STAT1: variants seen among roughly 807,000 people sequenced by gnomAD.
STAT1 encodes signal transducer and activator of transcription 1, also known as signal transducer and activator of transcription 1-alpha/beta.
In STAT1, 24 loss-of-function variants were observed where a neutral mutation model predicts 111.7. The observed-to-expected ratio is 0.21, with a 90% CI of 0.16 to 0.30. The LOEUF (loss-of-function observed/expected upper bound fraction) is 0.30, where lower values mean the gene tolerates loss of function less well. STAT1 is among the 10% of genes least tolerant of loss of function. The probability of loss-of-function intolerance (pLI) is 1.00; values close to 1 mark genes in which losing one functional copy is unlikely to be tolerated. For synonymous variants in STAT1, 332 were observed against 326.5 expected, an observed-to-expected ratio of 1.02 and a Z score of -0.18; for missense variants, 351 against 911.9, an observed-to-expected ratio of 0.38 and a Z score of 7.92.
chr2:191,009,223 A>T, intron 3 of STAT1, 116 bp from the exon 4 acceptor site: 2 of 1,295,612 alleles, frequency 1.5e-6, no homozygotes, highest in Non-Finnish European at 2.1e-6. Context: ...GTATTTTCTT[A>T]GGTTTATTTT....
Position 190,987,312 on chromosome 2 carries a change from A to T in STAT1, c.1098-244T>A, listed in dbSNP as rs577339848. 6.6e-6 allele frequency among the ~76,000 whole-genome samples: 1 copy of T among 152,352 alleles called. No homozygotes were observed. The highest frequency in any genetic ancestry group is 2.1e-4 in the South Asian group (1 of 4,828). On this transcript the variant is annotated intron_variant, in intron 12 of 24. Coordinates refer to ENST00000361099, the MANE Select transcript of STAT1 (RefSeq NM_007315.4). This position sits in a 1 kb window ranked among gnomAD's most constrained non-coding sequence, Gnocchi z 4.0. ...TGGGCCTTACATTGTTCATTTGCAC[A>T]ACATACTAACAGTGCCAACATATAG...
chr2:191,010,743 T>C (rs950754101), intron 2 of STAT1, among the ~76,000 whole-genome samples: 4 of 152,198 alleles, frequency 2.6e-5, no homozygotes, highest in Non-Finnish European at 5.9e-5. Flanking sequence ...ACAATAAATC[T>C]GGCATAAAGA....
At position 190,970,440 on chromosome 2, in the gene STAT1, T is replaced by C. The variant is rs182725919; in HGVS notation, c.*263A>G. On this transcript the variant is annotated 3_prime_UTR_variant, in exon 25 of 25. Coordinates refer to ENST00000361099, the MANE Select transcript of STAT1 (RefSeq NM_007315.4). This position sits in a 1 kb window ranked among gnomAD's most constrained non-coding sequence, Gnocchi z 5.4. ...CATTCTCGTCCTGATACTTTGGGTG[T>C]ATCTGGATGTTTTTCACTTGTGAAA... is the stretch of plus-strand genomic sequence containing the variant. 1.7e-5 allele frequency: 9 copies of C among 542,498 alleles called. No individual in the cohort carries two copies. Among genetic ancestry groups the C allele is most frequent in the Non-Finnish European group, 3.0e-5 (9 of 300,040 alleles). 33.6% of individuals were successfully genotyped at this position (542,498 alleles called of 1,614,324 possible).
At chr2:191,002,018 G>A (rs989887442) in intron 5 of STAT1, among the ~76,000 whole-genome samples, 6 of 152,190 alleles carry the variant, frequency 3.9e-5, no homozygotes, top group Admixed American at 1.3e-4. Flanking sequence ...CTACGGGGGT[G>A]TTTTTATATG....
Position 190,977,542 on chromosome 2 carries a change from C to A in STAT1, c.1874-517G>T, listed in dbSNP as rs928832970. 6.6e-6 allele frequency among the ~76,000 whole-genome samples: 1 copy of A among 152,104 alleles called. No individual in the cohort carries two copies. Among genetic ancestry groups the A allele is most frequent in the Non-Finnish European group, 1.5e-5 (1 of 68,020 alleles). ...TCCCTGTAACCCTTAACGTAATAAA[C>A]CATGGTTTAATTTACTCCCGTTCTT... On this transcript the variant is annotated intron_variant, in intron 21 of 24. Coordinates refer to ENST00000361099, the MANE Select transcript of STAT1 (RefSeq NM_007315.4). This position sits in a 1 kb window ranked among gnomAD's most constrained non-coding sequence, Gnocchi z 4.7.
Position 191,007,728 on chromosome 2 carries a change from A to G in STAT1, c.274-67T>C. On this transcript the variant is annotated intron_variant, in intron 4 of 24. Coordinates refer to ENST00000361099, the MANE Select transcript of STAT1 (RefSeq NM_007315.4). The surrounding 1 kb of genome is among the most constrained non-coding windows in gnomAD (Gnocchi z 4.2). The stretch of plus-strand genomic sequence containing the variant: ...AATGTTTACTTTATTGTGTATTGTA[A>G]GTTGATATGAATTTGTTTATATTCT... 1 of 1,173,044 alleles carries G rather than the reference A, an allele frequency of 8.5e-7. No individual in the cohort carries two copies. Among genetic ancestry groups the G allele is most frequent in the African/African-American group, 1.5e-5 (1 of 66,278 alleles). The allele number at this position is 1,173,044 out of a possible 1,614,324, so 72.7% of individuals were successfully genotyped here. A position where few individuals can be genotyped will look rare whatever the true frequency, so the allele number is the denominator to read the frequency against.
rs1033141232 is a variant in STAT1, at chr2:190,969,894, G to A, written c.*809C>T. 6.6e-6 allele frequency: 1 copy of A among 152,210 alleles called. No homozygotes were observed. The highest frequency in any genetic ancestry group is 1.5e-5 in the Non-Finnish European group (1 of 68,040). The allele number at this position is 152,210 out of a possible 1,614,324, so 9.4% of individuals were successfully genotyped here. On this transcript the variant is annotated 3_prime_UTR_variant, in exon 25 of 25. Coordinates refer to ENST00000361099, the MANE Select transcript of STAT1 (RefSeq NM_007315.4). ...ACTTTTGAATGAGTGGTTGTGAATA[G>A]CCTAACTCCCTTGGGAGAACTGTAA...
Position 190,997,796 on chromosome 2 carries a change from A to C in STAT1, c.785+60T>G. 6.2e-7 allele frequency: 1 copy of C among 1,610,992 alleles called. No homozygotes were observed. The highest frequency in any genetic ancestry group is 8.5e-7 in the Non-Finnish European group (1 of 1,178,648). On this transcript the variant is annotated intron_variant, in intron 9 of 24. Coordinates refer to ENST00000361099, the MANE Select transcript of STAT1 (RefSeq NM_007315.4). This position sits in a 1 kb window ranked among gnomAD's most constrained non-coding sequence, Gnocchi z 7.3. ...TTCAACTAACACAGCTCAAAGGTAC[A>C]TTTATGTGTTTATGTGGTTAGCCAG...
At chr2:190,985,688 A>G (rs1172608401) in intron 14 of STAT1, 28 bp from the exon 15 acceptor site, 3 of 1,611,544 alleles carry the variant, frequency 1.9e-6, no homozygotes, top group Non-Finnish European at 2.5e-6. Context: ...ATCTTAGTAA[A>G]CACCATGGTA....
At chr2:190,985,450 TGTG>T (rs976715151) in intron 15 of STAT1, among the ~76,000 whole-genome samples, 166 bp downstream of exon 15, 1 of 152,202 alleles carries the variant, frequency 6.6e-6, no homozygotes, top group African/African-American at 2.4e-5. Context: ...AAAGCACAAA[TGTG>T]GTGTTTTTAC....
rs1265138162 is a variant in STAT1 at position 190,971,080 on chromosome 2, A to G, written c.2239-363T>C. On this transcript the variant is annotated intron_variant, in intron 24 of 24. Transcript: ENST00000361099. This position sits in a 1 kb window ranked among gnomAD's most constrained non-coding sequence, Gnocchi z 4.1. Reference sequence around the variant, plus strand: ...GCTGAGCCATATGCCAGAGGGAGAGAGGAAGGAGAGGGAAATGATACACTT... The same window carrying G: ...GCTGAGCCATATGCCAGAGGGAGAGGGGAAGGAGAGGGAAATGATACACTT... Among the ~76,000 whole-genome samples, 2 of 152,148 alleles carry G rather than the reference A, an allele frequency of 1.3e-5. No homozygotes were observed. The highest frequency in any genetic ancestry group is 2.9e-5 in the Non-Finnish European group (2 of 68,024).
rs767594300 is a variant in STAT1 at position 190,987,008 on chromosome 2, A to T, written c.1127+31T>A. ...CCAACTATTAAATAAATAAAAATAT[A>T]GCACAGTATAGCGTAAAGTACGTCA... On this transcript the variant is annotated intron_variant, in intron 13 of 24. Transcript: ENST00000361099. The surrounding 1 kb of genome is among the most constrained non-coding windows in gnomAD (Gnocchi z 4.0). 1 of 1,611,218 alleles carries T rather than the reference A, an allele frequency of 6.2e-7. No homozygotes were observed. Among genetic ancestry groups the T allele is most frequent in the Non-Finnish European group, 8.5e-7 (1 of 1,177,376 alleles).
In STAT1 at chr2:190,984,006, A is replaced by G. The variant is rs1692588519; in HGVS notation, c.1348-266T>C. Among the ~76,000 whole-genome samples the G allele has an allele frequency of 6.6e-6, 1 of 152,200 alleles. No individual in the cohort carries two copies. Among genetic ancestry groups the G allele is most frequent in the African/African-American group, 2.4e-5 (1 of 41,456 alleles). ...AATATGAGAAGATGAAAACTGTCAC[A>G]ATGAAAACATAAAATGTGGGGGGAG... On this transcript the variant is annotated intron_variant, in intron 16 of 24. Coordinates refer to ENST00000361099, the MANE Select transcript of STAT1 (RefSeq NM_007315.4). This position sits in a 1 kb window ranked among gnomAD's most constrained non-coding sequence, Gnocchi z 5.2.
At position 190,975,291 on chromosome 2, in the gene STAT1, G is replaced by C; in HGVS notation, c.2136-359C>G. The C allele has an allele frequency of 2.1e-6, 1 of 476,478 alleles. No homozygotes were observed. The highest frequency in any genetic ancestry group is 3.3e-4 in the Middle Eastern group (1 of 3,060). The allele number at this position is 476,478 out of a possible 1,614,324, so 29.5% of individuals were successfully genotyped here. A position where few individuals can be genotyped will look rare whatever the true frequency, so the allele number is the denominator to read the frequency against. ...CAGAAAAGCACCAGAGAAATGTCTG[G>C]GGAGTCCCTCATCCCTACCTTGAGG... On this transcript the variant is annotated intron_variant, in intron 23 of 24. Transcript: ENST00000361099. The surrounding 1 kb of genome is among the most constrained non-coding windows in gnomAD (Gnocchi z 5.9).
Position 190,981,800 on chromosome 2 carries a change from T to C in STAT1, c.1582+583A>G, listed in dbSNP as rs1472542636. 6.6e-6 allele frequency among the ~76,000 whole-genome samples: 1 copy of C among 152,252 alleles called. No homozygotes were observed. Among genetic ancestry groups the C allele is most frequent in the Admixed American group, 6.5e-5 (1 of 15,292 alleles). ...GACCTTGAGACTAGTGGATCTTTGA[T>C]TTGTTTAGTATGAAGGACTAATAAA... On this transcript the variant is annotated intron_variant, in intron 18 of 24. Coordinates refer to ENST00000361099, the MANE Select transcript of STAT1 (RefSeq NM_007315.4). This position sits in a 1 kb window ranked among gnomAD's most constrained non-coding sequence, Gnocchi z 4.1.
chr2:191,004,258 G>A lies in STAT1; in HGVS notation c.373-3095C>T, dbSNP rs904763423. 1.3e-5 allele frequency among the ~76,000 whole-genome samples: 2 copies of A among 152,142 alleles called. No homozygotes were observed. Among genetic ancestry groups the A allele is most frequent in the Non-Finnish European group, 1.5e-5 (1 of 68,026 alleles). On this transcript the variant is annotated intron_variant, in intron 5 of 24. Transcript: ENST00000361099. This position sits in a 1 kb window ranked among gnomAD's most constrained non-coding sequence, Gnocchi z 5.0. Reference sequence around the variant, plus strand: ...ACTTTTTAACTTTCTAAGAAACCAGGAGTACTGAAACCACGGGAATTTCAA... The same window carrying A: ...ACTTTTTAACTTTCTAAGAAACCAGAAGTACTGAAACCACGGGAATTTCAA...
At position 190,980,737 on chromosome 2, in the gene STAT1, G is replaced by T; in HGVS notation, c.1583-68C>A. On this transcript the variant is annotated intron_variant, in intron 18 of 24. Coordinates refer to ENST00000361099, the MANE Select transcript of STAT1 (RefSeq NM_007315.4). The surrounding 1 kb of genome is among the most constrained non-coding windows in gnomAD (Gnocchi z 6.1). ...TTCTAAAGCTTTGGTTGGACGGATGGCTCTTGTATTTGCTCTCAAGGAAAA... is the reference window on the plus strand; with the variant it reads ...TTCTAAAGCTTTGGTTGGACGGATGTCTCTTGTATTTGCTCTCAAGGAAAA... 6.7e-7 allele frequency: 1 copy of T among 1,497,414 alleles called. No homozygotes were observed. Among genetic ancestry groups the T allele is most frequent in the Non-Finnish European group, 9.3e-7 (1 of 1,075,674 alleles). 92.8% of individuals were successfully genotyped at this position (1,497,414 alleles called of 1,614,324 possible).
At position 190,969,852 on chromosome 2, in the gene STAT1, A is replaced by G. The variant is rs1214688680; in HGVS notation, c.*851T>C. ...GAATTAAATTTCTGAGTTTATCTACATCTATGGTTAATTTCAACTTTTGAA... is the reference window on the plus strand; with the variant it reads ...GAATTAAATTTCTGAGTTTATCTACGTCTATGGTTAATTTCAACTTTTGAA... On this transcript the variant is annotated 3_prime_UTR_variant, in exon 25 of 25. Transcript: ENST00000361099. 1 of 152,248 alleles carries G rather than the reference A, an allele frequency of 6.6e-6. No homozygotes were observed. Among genetic ancestry groups the G allele is most frequent in the South Asian group, 2.1e-4 (1 of 4,838 alleles). The allele number at this position is 152,248 out of a possible 1,614,324, so 9.4% of individuals were successfully genotyped here.
At position 190,998,839 on chromosome 2, in the gene STAT1, T is replaced by G. The variant is rs1038061894; in HGVS notation, c.542-531A>C. 6.6e-6 allele frequency among the ~76,000 whole-genome samples: 1 copy of G among 151,868 alleles called. No homozygotes were observed. The highest frequency in any genetic ancestry group is 2.4e-5 in the African/African-American group (1 of 41,382). ...ATAAAAATAAATGTAAATAATAAAA[T>G]GTTTTATCTGAACAGAATTCAGATA... On this transcript the variant is annotated intron_variant, in intron 7 of 24. Transcript: ENST00000361099. The surrounding 1 kb of genome is among the most constrained non-coding windows in gnomAD (Gnocchi z 4.1).
Sources: gnomAD v4.1 joint callset for allele counts (sites outside exome capture counted in the v4.1 genomes callset) on GRCh38, gnomAD v4.1.1 for gene constraint, Gnocchi (gnomAD v3.1) non-coding constraint, MANE v1.5 for transcripts, NCBI Gene and HGNC (gene_info 2026-07-23, HGNC 2026-07-21) for gene names.